KCNH5: variants seen among roughly 807,000 people sequenced by gnomAD.
KCNH5 encodes voltage-gated delayed rectifier potassium channel KCNH5.
KCNH5 carries 46 observed loss-of-function variants against 96.1 expected under a neutral mutation model. The observed-to-expected ratio is 0.48, with a 90% CI of 0.38 to 0.61. The LOEUF (loss-of-function observed/expected upper bound fraction) is 0.61, where lower values mean the gene tolerates loss of function less well. Among genes scored for constraint, KCNH5 ranks in the 20% least tolerant of loss-of-function variants. KCNH5 has a pLI of 0.00. For synonymous variants in KCNH5, 439 were observed against 449.8 expected (o/e 0.98, Z 0.30); for missense variants, 907 against 1,225.8 (o/e 0.74, Z 3.88).
chr14:62,850,720 G>A (rs1183688259), intron 7 of KCNH5, among the ~76,000 whole-genome samples: 2 of 152,036 alleles, frequency 1.3e-5, no homozygotes, highest in African/African-American at 2.4e-5. Flanking sequence ...AGCCTAAACT[G>A]AACAAACTTC....
chr14:62,951,494 C>T (rs1346594359), intron 6 of KCNH5, among the ~76,000 whole-genome samples: 1 of 152,268 alleles, frequency 6.6e-6, no homozygotes, highest in South Asian at 2.1e-4. Context: ...CAAATCCATT[C>T]GTATCCATGA....
At chr14:62,865,278 AT>A (rs974963041) in intron 7 of KCNH5, among the ~76,000 whole-genome samples, 1 of 151,456 alleles carries the variant, frequency 6.6e-6, no homozygotes, top group African/African-American at 2.4e-5. Flanking sequence ...TTAAAGCAGA[AT>A]TTTTTTAATT....
intron 3 of KCNH5, among the ~76,000 whole-genome samples, chr14:63,005,150 G>A (rs1454087429): frequency 2.6e-5 from 4 of 152,132 alleles, no homozygotes; most frequent in African/African-American, 9.7e-5. Context: ...TTGTTTTCTA[G>A]GTGACAAGCT....
intron 4 of KCNH5, among the ~76,000 whole-genome samples, chr14:62,988,706 AG>A (rs1172568948): frequency 6.7e-6 from 1 of 149,938 alleles, no homozygotes; most frequent in African/African-American, 2.5e-5. Context: ...ACAAAAAAAA[AG>A]GGTATTAGAT....
intron 10 of KCNH5, among the ~76,000 whole-genome samples, chr14:62,770,143 C>G (rs961839984): frequency 6.6e-6 from 1 of 152,142 alleles, no homozygotes; most frequent in African/African-American, 2.4e-5. Context: ...CACCCATTGT[C>G]ACTCCTAGAC....
intron 6 of KCNH5, among the ~76,000 whole-genome samples, chr14:62,962,324 C>T (rs1286214210): frequency 6.6e-6 from 1 of 152,098 alleles, no homozygotes; most frequent in Admixed American, 6.6e-5. Flanking sequence ...TAATGCAGAC[C>T]CTAATCCAGA....
At chr14:62,753,957 T>C (rs1202737316) in intron 10 of KCNH5, among the ~76,000 whole-genome samples, 3 of 152,100 alleles carry the variant, frequency 2.0e-5, no homozygotes, top group Non-Finnish European at 4.4e-5. Flanking sequence ...TATAATAACA[T>C]TGCAATTGTG....
chr14:62,853,619 C>CA (rs903313456), intron 7 of KCNH5, among the ~76,000 whole-genome samples: 14 of 151,514 alleles, frequency 9.2e-5, no homozygotes, highest in African/African-American at 3.4e-4. Flanking sequence ...TAAACTAACT[C>CA]ATTCTTCAGA....
At chr14:62,818,627 C>G (rs1301829854) in intron 8 of KCNH5, among the ~76,000 whole-genome samples, 1 of 152,064 alleles carries the variant, frequency 6.6e-6, no homozygotes, top group Non-Finnish European at 1.5e-5. Flanking sequence ...TAAAACTAAA[C>G]ATCAACCAAC....
chr14:62,978,880 C>T (rs367894995), intron 6 of KCNH5, among the ~76,000 whole-genome samples: 233 of 152,236 alleles, frequency 1.5e-3, no homozygotes, highest in African/African-American at 5.3e-3. Context: ...AGCTAGTTAA[C>T]GTATGTGTTT....
In KCNH5 at chr14:62,947,811, T is replaced by G. The variant is rs906214981; in HGVS notation, c.1369+2322A>C. ...ATCACACCTTCAGTACAATCTTTTTTATTTATTTATTTATTTATTTTTATT... is the reference window on the plus strand; with the variant it reads ...ATCACACCTTCAGTACAATCTTTTTGATTTATTTATTTATTTATTTTTATT... On this transcript the variant is annotated intron_variant, in intron 7 of 10. Transcript: ENST00000322893. 1.0e-4 allele frequency among the ~76,000 whole-genome samples: 11 copies of G among 107,566 alleles called. No individual in the cohort carries two copies. The East Asian group carries it at 2.5e-3, about 25-fold the overall frequency. The allele number at this position is 107,566 out of a possible 152,430, so 70.6% of individuals were successfully genotyped here.
At chr14:62,755,277 A>G (rs1445273213) in intron 10 of KCNH5, among the ~76,000 whole-genome samples, 1 of 152,198 alleles carries the variant, frequency 6.6e-6, no homozygotes. Flanking sequence ...GCAGAAATTC[A>G]AAGAATCATT....
intron 7 of KCNH5, among the ~76,000 whole-genome samples, chr14:62,860,356 T>G (rs1286477624): frequency 6.6e-6 from 1 of 152,234 alleles, no homozygotes; most frequent in Non-Finnish European, 1.5e-5. Flanking sequence ...AAATTCATTT[T>G]CTTTATTCTC....
chr14:62,750,232 G>A (rs939456012), intron 10 of KCNH5, among the ~76,000 whole-genome samples: 1 of 152,194 alleles, frequency 6.6e-6, no homozygotes, highest in African/African-American at 2.4e-5. Flanking sequence ...ACTGTTTTAA[G>A]TAAGCCTTTA....
chr14:62,736,429 G>A (rs1363425375), intron 10 of KCNH5, among the ~76,000 whole-genome samples: 1 of 151,630 alleles, frequency 6.6e-6, no homozygotes, highest in Non-Finnish European at 1.5e-5. Flanking sequence ...AATCCAAAGG[G>A]CATCAGCCTG....
chr14:62,711,660 C>A (rs1468869149), intron 10 of KCNH5, among the ~76,000 whole-genome samples: 1 of 152,194 alleles, frequency 6.6e-6, no homozygotes, highest in Non-Finnish European at 1.5e-5. Flanking sequence ...GAAAAACATG[C>A]TCTTTAGAGA....
intron 6 of KCNH5, among the ~76,000 whole-genome samples, chr14:62,958,884 T>C (rs1890156009): frequency 6.6e-6 from 1 of 152,126 alleles, no homozygotes; most frequent in Non-Finnish European, 1.5e-5. Flanking sequence ...GCTCACTATA[T>C]TTCAAGCCTT....
At chr14:62,830,848 C>T (rs754655537) in intron 8 of KCNH5, among the ~76,000 whole-genome samples, 9 of 152,018 alleles carry the variant, frequency 5.9e-5, no homozygotes, top group African/African-American at 9.7e-5. Flanking sequence ...CATCCTCTTA[C>T]GTCACTAAAC....
intron 7 of KCNH5, among the ~76,000 whole-genome samples, chr14:62,881,093 A>G (rs1011696828): frequency 6.6e-6 from 1 of 152,226 alleles, no homozygotes; most frequent in African/African-American, 2.4e-5. Context: ...TAAGCCTTCA[A>G]TAAAATGCTT....
Sources: gnomAD v4.1 joint callset for allele counts (sites outside exome capture counted in the v4.1 genomes callset) on GRCh38, gnomAD v4.1.1 for gene constraint, MANE v1.5 for transcripts, NCBI Gene and HGNC (gene_info 2026-07-23, HGNC 2026-07-21) for gene names.